Variants in APCDD1L observed in about 807,000 individuals in gnomAD.
APCDD1L encodes the protein protein APCDD1-like.
Under a neutral mutation model 24.2 loss-of-function variants are expected in APCDD1L, and 21 were observed. The observed-to-expected ratio is 0.87, with a 90% CI of 0.61 to 1.25. APCDD1L has a LOEUF of 1.25. APCDD1L is among the 50% of genes most tolerant of loss of function. The probability of loss-of-function intolerance (pLI) is 0.00; values close to 1 mark genes in which losing one functional copy is unlikely to be tolerated. For missense variants in APCDD1L, 704 were observed against 711.7 expected, an observed-to-expected ratio of 0.99 and a Z score of 0.12; for synonymous variants, 321 against 323.6, an observed-to-expected ratio of 0.99 and a Z score of 0.09.
At chr20:58,495,879 G>C (rs1433856321) in intron 1 of APCDD1L, among the ~76,000 whole-genome samples, 1 of 152,102 alleles carries the variant, frequency 6.6e-6, no homozygotes, top group Non-Finnish European at 1.5e-5. Context: ...AGCGGAGTGG[G>C]ACCCAGCCTC....
At position 58,488,397 on chromosome 20, in the gene APCDD1L, T is replaced by G. The variant is rs138508091; in HGVS notation, c.50-17650A>C. Among the ~76,000 whole-genome samples the G allele has an allele frequency of 9.8e-5, 15 of 152,302 alleles. No homozygotes were observed. In the East Asian group the frequency reaches 2.7e-3, roughly 27 times the overall value. ...ACACACACATACATATATATATTACTGTGTCCAAAAATTAGAGTATGAACA... is the reference window on the plus strand; with the variant it reads ...ACACACACATACATATATATATTACGGTGTCCAAAAATTAGAGTATGAACA... On this transcript the variant is annotated intron_variant, in intron 1 of 3. Coordinates refer to ENST00000371149, the MANE Select transcript of APCDD1L (RefSeq NM_153360.3).
Position 58,512,040 on chromosome 20 carries a change from G to A in APCDD1L, c.49+2619C>T, listed in dbSNP as rs537030649. 2.0e-5 allele frequency among the ~76,000 whole-genome samples: 3 copies of A among 152,322 alleles called. No homozygotes were observed. The East Asian group carries it at 5.8e-4, about 29-fold the overall frequency. On this transcript the variant is annotated intron_variant, in intron 1 of 3. Coordinates refer to ENST00000371149, the MANE Select transcript of APCDD1L (RefSeq NM_153360.3). ...AACCAACACTGGCAGCTGGAGAACT[G>A]GCACCAGACACATCTGGCCTGACAG...
At chr20:58,466,536 A>C (rs1482624889) in intron 3 of APCDD1L, among the ~76,000 whole-genome samples, 1 of 152,220 alleles carries the variant, frequency 6.6e-6, no homozygotes, top group East Asian at 1.9e-4. Flanking sequence ...CCCTGGAGGA[A>C]AGCTGCCCTC....
intron 3 of APCDD1L, among the ~76,000 whole-genome samples, chr20:58,466,521 C>A (rs1417249401): frequency 6.6e-6 from 1 of 152,222 alleles, no homozygotes; most frequent in Non-Finnish European, 1.5e-5. Context: ...GCGGCCCCAG[C>A]GGCGCCCTGG....
Position 58,470,713 on chromosome 20 carries a change from GC to G in APCDD1L, c.83del (p.Gly28AlafsTer46), listed in dbSNP as rs751797316. On this transcript the variant is annotated frameshift_variant, in exon 2 of 4. Transcript: ENST00000371149. LOFTEE classifies it high-confidence loss of function. ...HTAPAAGEAG[G>X]SCLRWEPHCQ... Reference sequence around the variant, plus strand: ...AGTGGGGTTCCCAGCGCAGGCAGCTGCCCCCGGCCTCCCCAGCCGCCGGTGC... The same window carrying G: ...AGTGGGGTTCCCAGCGCAGGCAGCTGCCCCGGCCTCCCCAGCCGCCGGTGC... 2.6e-6 allele frequency: 4 copies of G among 1,543,202 alleles called. No homozygotes were observed.
chr20:58,470,811 C>T, intron 1 of APCDD1L, 64 bp from the exon 2 acceptor site: 1 of 1,478,592 alleles, frequency 6.8e-7, no homozygotes, highest in Non-Finnish European at 8.9e-7. Flanking sequence ...CCCATCTGCC[C>T]TCCCAACCCC....
Position 58,467,565 on chromosome 20 carries a change from G to A in APCDD1L, c.282C>T (p.Asp94=), listed in dbSNP as rs766838716. 31 of 1,581,756 alleles carry A rather than the reference G, an allele frequency of 2.0e-5. No individual in the cohort carries two copies. The highest frequency in any genetic ancestry group is 2.5e-5 in the Non-Finnish European group (29 of 1,163,816). ...AGTGGGCAGGTTCCCCGCAGAAGGG[G>A]TCCTCGTAGTAGAACTGGTGGGCTC... is the stretch of plus-strand genomic sequence containing the variant. ...LFRAHQFYYE[D]PFCGEPAHSL... Residue 94 remains aspartate (D), a synonymous_variant, in exon 3 of 4, where the codon GAC becomes GAT. Coordinates refer to ENST00000371149, the MANE Select transcript of APCDD1L (RefSeq NM_153360.3). This position sits in a 1 kb window ranked among gnomAD's most constrained non-coding sequence, Gnocchi z 5.9.
chr20:58,466,195 A>G (rs970973975), intron 3 of APCDD1L, among the ~76,000 whole-genome samples: 1 of 151,456 alleles, frequency 6.6e-6, no homozygotes, highest in Non-Finnish European at 1.5e-5. Context: ...TATGCGTGCA[A>G]TGGCTTCTTC....
At chr20:58,511,080 C>T (rs1233304103) in intron 1 of APCDD1L, among the ~76,000 whole-genome samples, 14 of 152,224 alleles carry the variant, frequency 9.2e-5, no homozygotes, top group Admixed American at 9.2e-4. Context: ...TTGTTGAACA[C>T]TTCCAGCACT....
chr20:58,515,234 G>C lies in APCDD1L; in HGVS notation c.-527C>G, dbSNP rs1015235748. 1 of 182,472 alleles carries C rather than the reference G, an allele frequency of 5.5e-6. No homozygotes were observed. The highest frequency in any genetic ancestry group is 1.1e-5 in the Non-Finnish European group (1 of 89,010). The allele number at this position is 182,472 out of a possible 1,614,324, so 11.3% of individuals were successfully genotyped here. On this transcript the variant is annotated 5_prime_UTR_variant, in exon 1 of 4. Transcript: ENST00000371149. ...TGGGACCCCTGAAGTTTCTATTCAG[G>C]TCTTCCAGCTACTCCTGGAAAAGTC...
chr20:58,508,940 G>A lies in APCDD1L; in HGVS notation c.49+5719C>T, dbSNP rs1377228509. Among the ~76,000 whole-genome samples the A allele has an allele frequency of 1.3e-5, 2 of 151,926 alleles. No individual in the cohort carries two copies. Among genetic ancestry groups the A allele is most frequent in the African/African-American group, 4.8e-5 (2 of 41,406 alleles). On this transcript the variant is annotated intron_variant, in intron 1 of 3. Transcript: ENST00000371149. The surrounding 1 kb of genome is among the most constrained non-coding windows in gnomAD (Gnocchi z 4.0). ...TGAGTGTGCATGAGTGTGCGTGAGT[G>A]TGTGTGAGTGTGCATGTGTGTCTGT... is the stretch of plus-strand genomic sequence containing the variant.
intron 1 of APCDD1L, among the ~76,000 whole-genome samples, chr20:58,478,633 T>C (rs531575596): frequency 1.3e-5 from 2 of 152,192 alleles, no homozygotes; most frequent in East Asian, 1.9e-4. Context: ...GCTCAGTAAA[T>C]GCTATTTATA....
In APCDD1L at chr20:58,467,657, A is replaced by G; in HGVS notation, c.190T>C (p.Cys64Arg). ...AACTCCGGTCCTGGGCGCACCTCGCAGCTGCAGGGGTGGAAGGAGATGGGC... is the reference window on the plus strand; with the variant it reads ...AACTCCGGTCCTGGGCGCACCTCGCGGCTGCAGGGGTGGAAGGAGATGGGC... ...RLNGPWISTG[C>R]EVRPGPEFLT... The change falls in exon 3 of 4, where the codon TGC (cysteine) becomes CGC (arginine). Residue 64 changes from cysteine to arginine, a missense_variant and splice_region_variant. By Grantham distance (180) the Cys-to-Arg change is radical. Coordinates refer to ENST00000371149, the MANE Select transcript of APCDD1L (RefSeq NM_153360.3). The surrounding 1 kb of genome is among the most constrained non-coding windows in gnomAD (Gnocchi z 5.9). 1 of 1,494,670 alleles carries G rather than the reference A, an allele frequency of 6.7e-7. No individual in the cohort carries two copies. Among genetic ancestry groups the G allele is most frequent in the African/African-American group, 1.4e-5 (1 of 69,688 alleles). 92.6% of individuals were successfully genotyped at this position (1,494,670 alleles called of 1,614,324 possible).
chr20:58,465,392 G>T (rs912193925), intron 3 of APCDD1L, among the ~76,000 whole-genome samples: 6 of 152,158 alleles, frequency 3.9e-5, no homozygotes, highest in Non-Finnish European at 7.4e-5. Context: ...CAGTGCTCCC[G>T]CATTGGGGCA....
rs1034749215 is a variant in APCDD1L at position 58,497,257 on chromosome 20, G to A, written c.49+17402C>T. 6.6e-6 allele frequency among the ~76,000 whole-genome samples: 1 copy of A among 152,100 alleles called. No individual in the cohort carries two copies. The highest frequency in any genetic ancestry group is 2.4e-5 in the African/African-American group (1 of 41,406). On this transcript the variant is annotated intron_variant, in intron 1 of 3. Coordinates refer to ENST00000371149, the MANE Select transcript of APCDD1L (RefSeq NM_153360.3). The surrounding 1 kb of genome is among the most constrained non-coding windows in gnomAD (Gnocchi z 4.3). ...GGGGCAGATGCGGGTTTCAGGGAAG[G>A]AAGCTGTAGCACGACTGAAGCCTTA...
intron 3 of APCDD1L, among the ~76,000 whole-genome samples, chr20:58,463,280 C>T (rs150559842): frequency 7.9e-5 from 12 of 152,148 alleles, no homozygotes; most frequent in African/African-American, 1.7e-4. Context: ...TAGGGAAAAC[C>T]GGCCACACTC....
At chr20:58,479,897 C>T (rs781201547) in intron 1 of APCDD1L, among the ~76,000 whole-genome samples, 2 of 152,154 alleles carry the variant, frequency 1.3e-5, no homozygotes, top group Non-Finnish European at 2.9e-5. Flanking sequence ...GATGTACTTT[C>T]CAATGAAGTC....
intron 1 of APCDD1L, among the ~76,000 whole-genome samples, chr20:58,489,279 G>A (rs974875186): frequency 6.6e-6 from 1 of 152,172 alleles, no homozygotes. Context: ...GCTCACGCCT[G>A]TAATCCCAGC....
chr20:58,474,648 G>C (rs1180111985), intron 1 of APCDD1L, among the ~76,000 whole-genome samples: 1 of 152,204 alleles, frequency 6.6e-6, no homozygotes, highest in Non-Finnish European at 1.5e-5. Flanking sequence ...AGGTTGCAGT[G>C]GGCCAAGATC....
Sources: gnomAD v4.1 joint callset for allele counts (sites outside exome capture counted in the v4.1 genomes callset) on GRCh38, gnomAD v4.1.1 for gene constraint, Gnocchi (gnomAD v3.1) non-coding constraint, MANE v1.5 for transcripts, NCBI Gene and HGNC (gene_info 2026-07-23, HGNC 2026-07-21) for gene names.